The following ARHGEF18 variants were observed in gnomAD, a reference collection of about 807,000 sequenced individuals.
ARHGEF18 encodes the protein Rho/Rac guanine nucleotide exchange factor 18, also known as rho guanine nucleotide exchange factor 18.
A neutral mutation model predicts 155.7 loss-of-function variants in ARHGEF18; 93 were observed. The observed-to-expected ratio is 0.60, with a 90% CI of 0.50 to 0.71. The LOEUF is 0.71. Ranked by LOEUF, ARHGEF18 falls within the 30% of genes least tolerant of loss-of-function variation. ARHGEF18 has a pLI of 0.00. For missense variants in ARHGEF18, 1,593 were observed against 1,816.1 expected, an observed-to-expected ratio of 0.88 and a Z score of 2.23; for synonymous variants, 742 against 753.1, an observed-to-expected ratio of 0.99 and a Z score of 0.24.
At position 7,459,986 on chromosome 19, in the gene ARHGEF18, A is replaced by G. The variant is rs1386190334; in HGVS notation, c.2444A>G (p.Asp815Gly). The G allele has an allele frequency of 3.2e-6, 5 of 1,577,856 alleles. No individual in the cohort carries two copies. The Admixed American group carries it at 9.1e-5, about 29-fold the overall frequency. The stretch of plus-strand genomic sequence containing the variant: ...GAGGCCCGCGCCACGAGACTCCGGG[A>G]CTTTCAAGGTGAGCGGGAGACAGCG... ...VVEARATRLR[D>G]FQERLSMKDQ... The change falls in exon 20 of 29, where the codon GAC becomes GGC. Residue 815 changes from aspartate to glycine, a missense_variant. Physicochemically the swap from Asp to Gly is moderately conservative, Grantham distance 94. Coordinates refer to ENST00000668164, the MANE Select transcript of ARHGEF18 (RefSeq NM_001367823.1).
At chr19:7,363,137 T>C (rs1028287203) in intron 2 of ARHGEF18, among the ~76,000 whole-genome samples, 4 of 151,876 alleles carry the variant, frequency 2.6e-5, no homozygotes, top group African/African-American at 7.3e-5. Flanking sequence ...GATGGATGGA[T>C]AGATGGATGG....
chr19:7,440,805 C>T lies in ARHGEF18; in HGVS notation c.1106+323C>T, dbSNP rs188358798. Among the ~76,000 whole-genome samples the T allele has an allele frequency of 6.6e-6, 1 of 152,176 alleles. No individual in the cohort carries two copies. Among genetic ancestry groups the T allele is most frequent in the East Asian group, 1.9e-4 (1 of 5,170 alleles). ...AGTCCTGCTGGGTGTGTGGAGGCGG[C>T]GTCCCATTATCTGTGCCTTACCTCG... On this transcript the variant is annotated intron_variant, in intron 11 of 28. Transcript: ENST00000668164. This position sits in a 1 kb window ranked among gnomAD's most constrained non-coding sequence, Gnocchi z 5.4.
At chr19:7,478,335 C>T in the ARHGEF18 span, 3 of 1,610,948 alleles carry the variant, frequency 1.9e-6, no homozygotes, top group Non-Finnish European at 2.5e-6. Flanking sequence ...CGCCGTGGGG[C>T]TCCGCAGCCT....
chr19:7,431,510 C>CAAAAAAAAAAAAAAAAAAAAA, intron 10 of ARHGEF18, among the ~76,000 whole-genome samples: 1 of 51,292 alleles, frequency 1.9e-5, no homozygotes, highest in Non-Finnish European at 3.5e-5. Context: ...GACTCCATCT[C>CAAAAAAAAAAAAAAAAAAAAA]AAAAAAAAAA....
At chr19:7,379,253 C>T (rs1970610845) in intron 7 of ARHGEF18, 87 bp downstream of exon 7, 2 of 1,155,418 alleles carry the variant, frequency 1.7e-6, no homozygotes, top group African/African-American at 1.6e-5. Context: ...GTGTAGGAGA[C>T]AGGGGTAGAG....
At chr19:7,473,680 G>T (rs535496743), downstream of ARHGEF18, among the ~76,000 whole-genome samples, 1 of 151,476 alleles carries the variant, frequency 6.6e-6, no homozygotes, top group African/African-American at 2.4e-5. Context: ...CGTGGTGGCG[G>T]GCGCCTGTAG....
intron 10 of ARHGEF18, among the ~76,000 whole-genome samples, chr19:7,385,092 TC>T (rs1970929651): frequency 1.3e-5 from 2 of 152,188 alleles, no homozygotes; most frequent in Admixed American, 1.3e-4. Flanking sequence ...CTTGTTCTCT[TC>T]TGCAGGGGAT....
In ARHGEF18 at chr19:7,463,781, A is replaced by C. The variant is rs761596192; in HGVS notation, c.2636-37A>C. 13 of 1,569,090 alleles carry C rather than the reference A, an allele frequency of 8.3e-6. No homozygotes were observed. The Admixed American group carries it at 1.3e-4, about 16-fold the overall frequency. Reference sequence around the variant, plus strand: ...CCGTATTCCCCCAGCACACTTCCGCAGGGCGACCCGTGCCTCCTGTCCCCT... The same window carrying C: ...CCGTATTCCCCCAGCACACTTCCGCCGGGCGACCCGTGCCTCCTGTCCCCT... On this transcript the variant is annotated intron_variant, in intron 21 of 28. Transcript: ENST00000668164. This position sits in a 1 kb window ranked among gnomAD's most constrained non-coding sequence, Gnocchi z 5.2.
rs10422503 is a variant in ARHGEF18 at position 7,440,096 on chromosome 19, C to T, written c.968-248C>T. 0.34 allele frequency: 526,640 copies of T among 1,550,026 alleles called. 91,279 individuals carry two copies. Among genetic ancestry groups the T allele is most frequent in the Middle Eastern group, 0.44 (2,620 of 5,926 alleles). ...CCGCGCCGGGTCCCGGAGCCCCGGG[C>T]GCGAACATGGGGAATGCGCACTCCA... is the stretch of plus-strand genomic sequence containing the variant. On this transcript the variant is annotated intron_variant, in intron 10 of 28. Transcript: ENST00000668164. This position sits in a 1 kb window ranked among gnomAD's most constrained non-coding sequence, Gnocchi z 5.4.
At chr19:7,365,288 A>G (rs1376117932) in intron 2 of ARHGEF18, among the ~76,000 whole-genome samples, 1 of 152,176 alleles carries the variant, frequency 6.6e-6, no homozygotes, top group Admixed American at 6.5e-5. Context: ...TTAGCTGCGC[A>G]TGGAGGTGTG....
At chr19:7,468,356 G>T (rs1485516044) in intron 26 of ARHGEF18, among the ~76,000 whole-genome samples, 3 of 151,740 alleles carry the variant, frequency 2.0e-5, no homozygotes, top group Non-Finnish European at 4.4e-5. Flanking sequence ...ACCAGCCTGG[G>T]CCACGTAGTG....
At chr19:7,451,402 TCC>T in intron 16 of ARHGEF18, 136 bp downstream of exon 16, 2 of 586,480 alleles carry the variant, frequency 3.4e-6, no homozygotes, top group Non-Finnish European at 5.5e-6. Context: ...TGGGGTTCCT[TCC>T]TTTTTTTTTT....
At chr19:7,390,550 A>G (rs1971345817) in intron 10 of ARHGEF18, 2 of 151,568 alleles carry the variant, frequency 1.3e-5, no homozygotes, top group South Asian at 4.2e-4. Context: ...AAGAAAAGAA[A>G]GAAAAATGAT....
Position 7,462,306 on chromosome 19 carries a change from G to A in ARHGEF18, c.2607G>A (p.Glu869=), listed in dbSNP as rs781302083. The change falls in exon 21 of 29, where the codon GAG becomes GAA. Residue 869 remains glutamate (E), a synonymous_variant. Coordinates refer to ENST00000668164, the MANE Select transcript of ARHGEF18 (RefSeq NM_001367823.1). The surrounding 1 kb of genome is among the most constrained non-coding windows in gnomAD (Gnocchi z 4.4). ...ACCCATCCGAGACCCTGCAGGGGGAGCTAATTCTCAAGTCGGCCATGAGCG... is the reference window on the plus strand; with the variant it reads ...ACCCATCCGAGACCCTGCAGGGGGAACTAATTCTCAAGTCGGCCATGAGCG... ...GGDPSETLQG[E]LILKSAMSEI... 2 of 1,606,286 alleles carry A rather than the reference G, an allele frequency of 1.2e-6. No homozygotes were observed. Among genetic ancestry groups the A allele is most frequent in the Non-Finnish European group, 1.7e-6 (2 of 1,176,710 alleles).
rs1430148286 is a variant in ARHGEF18 at position 7,407,818 on chromosome 19, C to A, written c.967+24615C>A. On this transcript the variant is annotated intron_variant, in intron 10 of 28. Transcript: ENST00000668164. ...TCTACTGAAAATACAAAAAAACTAG[C>A]CGGGCGTGGTGGCCGCGCCTGGAGT... 2.0e-5 allele frequency among the ~76,000 whole-genome samples: 3 copies of A among 151,876 alleles called. No homozygotes were observed. The East Asian group carries it at 5.8e-4, about 29-fold the overall frequency.
intron 2 of ARHGEF18, among the ~76,000 whole-genome samples, chr19:7,367,078 T>C (rs1173581864): frequency 6.6e-6 from 1 of 152,114 alleles, no homozygotes; most frequent in Non-Finnish European, 1.5e-5. Flanking sequence ...TCCTGAAATT[T>C]AAAAACAGCA....
At chr19:7,408,428 G>A (rs918940670) in intron 10 of ARHGEF18, among the ~76,000 whole-genome samples, 1 of 151,776 alleles carries the variant, frequency 6.6e-6, no homozygotes, top group African/African-American at 2.4e-5. Context: ...ACAAAAACAG[G>A]TGGCCAGCCC....
At position 7,355,303 on chromosome 19, in the gene ARHGEF18, A is replaced by G. The variant is rs931607408; in HGVS notation, c.-111+6062A>G. Reference sequence around the variant, plus strand: ...CACGCACACACACACAAACACTCAGACATCCATGCACACCCAGGCTCCCCG... The same window carrying G: ...CACGCACACACACACAAACACTCAGGCATCCATGCACACCCAGGCTCCCCG... On this transcript the variant is annotated intron_variant, in intron 1 of 28. Coordinates refer to ENST00000668164, the MANE Select transcript of ARHGEF18 (RefSeq NM_001367823.1). Among the ~76,000 whole-genome samples, 5 of 152,074 alleles carry G rather than the reference A, an allele frequency of 3.3e-5. No individual in the cohort carries two copies. In the East Asian group the frequency reaches 9.6e-4, roughly 29 times the overall value.
the ARHGEF18 span, among the ~76,000 whole-genome samples, chr19:7,479,710 G>T: frequency 6.6e-6 from 1 of 151,724 alleles, no homozygotes; most frequent in African/African-American, 2.4e-5. Flanking sequence ...ACAGGACTTC[G>T]ATGGCCGTGA....
Sources: allele counts gnomAD v4.1 joint callset (sites outside exome capture counted in the v4.1 genomes callset), GRCh38; gene constraint gnomAD v4.1.1; non-coding constraint Gnocchi (gnomAD v3.1); transcripts MANE v1.5; gene names NCBI Gene and HGNC (gene_info 2026-07-23, HGNC 2026-07-21).